Variants in SUN1 observed in about 807,000 individuals in gnomAD.
SUN1 encodes Sad1 and UNC84 domain containing 1, also known as SUN domain-containing protein 1.
In SUN1, 61 loss-of-function variants were observed where a neutral mutation model predicts 103.2. The ratio of observed to expected loss-of-function variants is 0.59; its 90% CI spans 0.48 to 0.73. The LOEUF is 0.73. SUN1 is among the 30% of genes least tolerant of loss of function. The probability of loss-of-function intolerance (pLI) is 0.00; values close to 1 mark genes in which losing one functional copy is unlikely to be tolerated. For synonymous variants in SUN1, 490 were observed against 425.7 expected (o/e 1.15, Z -1.86); for missense variants, 1,052 against 1,034.6 (o/e 1.02, Z -0.23).
chr7:868,242 G>A (rs1017327190), intron 16 of SUN1, among the ~76,000 whole-genome samples: 13 of 152,250 alleles, frequency 8.5e-5, no homozygotes, highest in African/African-American at 2.9e-4. Flanking sequence ...CTGCCTGGGC[G>A]CAGCGTCTGC....
rs545360694 is a variant in SUN1, at chr7:845,285, C to T, written c.658+1765C>T. On this transcript the variant is annotated intron_variant, in intron 5 of 18. Transcript: ENST00000401592. ...TGTAGCTTCCCGAAACTCATGGCGCCTCCCCTCGGACGTCGGTGTCGTGGC... is the reference window on the plus strand; with the variant it reads ...TGTAGCTTCCCGAAACTCATGGCGCTTCCCCTCGGACGTCGGTGTCGTGGC... Among the ~76,000 whole-genome samples the T allele has an allele frequency of 3.9e-5, 6 of 152,214 alleles. No homozygotes were observed. The South Asian group carries it at 1.0e-3, about 26-fold the overall frequency.
intron 1 of SUN1, among the ~76,000 whole-genome samples, chr7:836,236 CAGAG>C (rs773592686): frequency 3.9e-5 from 6 of 152,076 alleles, no homozygotes; most frequent in African/African-American, 1.4e-4. Flanking sequence ...GGGCCTCCTG[CAGAG>C]AGAGAGGAGG....
At chr7:843,792 A>G (rs1463041059) in intron 5 of SUN1, 28 of 1,422,010 alleles carry the variant, frequency 2.0e-5, no homozygotes, top group Admixed American at 3.2e-5. Flanking sequence ...AGCGAAACTA[A>G]TAAAACTACA....
At chr7:843,313 G>T in intron 4 of SUN1, 28 bp from the exon 5 acceptor site, 1 of 1,604,310 alleles carries the variant, frequency 6.2e-7, no homozygotes. Flanking sequence ...GTGATAAACA[G>T]GTTCCATCTA....
Position 825,283 on chromosome 7 carries a change from T to C in SUN1, c.-74+8610T>C, listed in dbSNP as rs535174985. Among the ~76,000 whole-genome samples, 274 of 152,322 alleles carry C rather than the reference T, an allele frequency of 1.8e-3. 1 individual carries two copies. The highest frequency in any genetic ancestry group is 2.8e-3 in the Non-Finnish European group (192 of 68,028). Reference sequence around the variant, plus strand: ...TTCACTGTGTTAGTCAGGTTGGTCTTGATCTCCTGACCTTGTGATCCGCCC... The same window carrying C: ...TTCACTGTGTTAGTCAGGTTGGTCTCGATCTCCTGACCTTGTGATCCGCCC... On this transcript the variant is annotated intron_variant, in intron 1 of 17. Coordinates refer to the SUN1 transcript ENST00000389574.
chr7:846,320 G>A (rs1045108294), intron 5 of SUN1, among the ~76,000 whole-genome samples: 1 of 152,150 alleles, frequency 6.6e-6, no homozygotes, highest in Non-Finnish European at 1.5e-5. Flanking sequence ...TGTTGGCCAG[G>A]CTGGTCTTGA....
intron 17 of SUN1, among the ~76,000 whole-genome samples, chr7:870,967 C>T (rs1841233386): frequency 6.7e-6 from 1 of 148,620 alleles, no homozygotes; most frequent in Non-Finnish European, 1.5e-5. Context: ...TTCAGCTCAC[C>T]ACAATCTCCG....
At chr7:837,499 G>A (rs752515692) in intron 1 of SUN1, among the ~76,000 whole-genome samples, 17 of 152,168 alleles carry the variant, frequency 1.1e-4, no homozygotes, top group Admixed American at 2.6e-4. Context: ...AAAGAACAGT[G>A]CATAACTAAT....
intron 10 of SUN1, among the ~76,000 whole-genome samples, chr7:853,994 C>G (rs1170476865): frequency 1.3e-5 from 2 of 151,976 alleles, no homozygotes; most frequent in African/African-American, 2.4e-5. Flanking sequence ...GGACACAAAC[C>G]GTCTCGTGTG....
chr7:836,921 G>T (rs1487300929), intron 1 of SUN1, among the ~76,000 whole-genome samples: 9 of 152,234 alleles, frequency 5.9e-5, no homozygotes, highest in African/African-American at 1.9e-4. Flanking sequence ...AGAGCTGGAG[G>T]GAAGGAGGTG....
intron 14 of SUN1, 96 bp from the exon 15 acceptor site, chr7:861,284 C>A: frequency 8.2e-7 from 1 of 1,220,896 alleles, no homozygotes; most frequent in South Asian, 1.3e-5. Context: ...AGAAGATGCT[C>A]TAATGTAAGT....
chr7:830,392 C>G (rs577720359), upstream of SUN1, among the ~76,000 whole-genome samples: 13 of 152,312 alleles, frequency 8.5e-5, no homozygotes, highest in Non-Finnish European at 1.5e-4. Context: ...TACGCGGGGA[C>G]TGCATCAGGG....
At chr7:836,963 T>G (rs1584391817) in intron 1 of SUN1, among the ~76,000 whole-genome samples, 1 of 150,258 alleles carries the variant, frequency 6.7e-6, no homozygotes, top group Non-Finnish European at 1.5e-5. Flanking sequence ...ATGGAGGGGG[T>G]CTGAGAAGGC....
upstream of SUN1, among the ~76,000 whole-genome samples, chr7:829,003 A>C (rs1053105686): frequency 6.6e-6 from 1 of 151,970 alleles, no homozygotes; most frequent in African/African-American, 2.4e-5. Flanking sequence ...GTGGAACACA[A>C]CTCTCCCAAA....
intron 1 of SUN1, among the ~76,000 whole-genome samples, chr7:822,700 G>A (rs1020386384): frequency 1.3e-5 from 2 of 152,218 alleles, no homozygotes; most frequent in African/African-American, 2.4e-5. Context: ...TGATCTGGAC[G>A]TGGTGTGGAT....
intron 2 of SUN1, among the ~76,000 whole-genome samples, chr7:840,767 G>T (rs1252233449): frequency 6.7e-6 from 1 of 149,270 alleles, no homozygotes; most frequent in Non-Finnish European, 1.5e-5. Context: ...TCAGCCTCCC[G>T]AGTAGCTGGG....
intron 17 of SUN1, among the ~76,000 whole-genome samples, chr7:872,038 G>A (rs896274050): frequency 6.6e-6 from 1 of 152,158 alleles, no homozygotes; most frequent in African/African-American, 2.4e-5. Flanking sequence ...CCTTCTGCCT[G>A]CTCTCTTCCC....
At chr7:848,564 T>A in intron 5 of SUN1, 1 of 1,355,190 alleles carries the variant, frequency 7.4e-7, no homozygotes, top group Non-Finnish European at 9.8e-7. Flanking sequence ...AACTCATGAA[T>A]CAAAAGATTG....
chr7:843,821 C>T (rs1049254596), intron 5 of SUN1: 2 of 1,402,434 alleles, frequency 1.4e-6, no homozygotes, highest in Non-Finnish European at 9.2e-7. Context: ...CAGATGCACA[C>T]CTTTATTTTT....
Sources: gnomAD v4.1 joint callset for allele counts (sites outside exome capture counted in the v4.1 genomes callset) on GRCh38, gnomAD v4.1.1 for gene constraint, MANE v1.5 for transcripts, NCBI Gene and HGNC (gene_info 2026-07-23, HGNC 2026-07-21) for gene names.